The following SLC6A4 variants were observed in gnomAD, a reference collection of about 807,000 sequenced individuals.
SLC6A4 encodes solute carrier family 6 member 4, also known as sodium-dependent serotonin transporter.
Under a neutral mutation model 73.4 loss-of-function variants are expected in SLC6A4, and 22 were observed. The observed-to-expected ratio is 0.30, with a 90% CI of 0.21 to 0.43. The LOEUF (loss-of-function observed/expected upper bound fraction) is 0.43. Ranked by LOEUF, SLC6A4 falls within the 20% of genes least tolerant of loss-of-function variation. The pLI, the probability that SLC6A4 is intolerant of heterozygous loss-of-function variation, is 1.00. For synonymous variants in SLC6A4, 270 were observed against 315.5 expected (o/e 0.86, Z 1.53); for missense variants, 593 against 808.5 (o/e 0.73, Z 3.23).
At chr17:30,227,245 G>T (rs1352662194) in intron 1 of SLC6A4, among the ~76,000 whole-genome samples, 2 of 152,172 alleles carry the variant, frequency 1.3e-5, no homozygotes, top group African/African-American at 4.8e-5. Context: ...CCCGAAGTGT[G>T]CAGGGTCATG....
intron 14 of SLC6A4, among the ~76,000 whole-genome samples, chr17:30,201,452 C>A (rs550548834): frequency 2.6e-5 from 4 of 152,272 alleles, no homozygotes; most frequent in African/African-American, 9.6e-5. Flanking sequence ...TCCCTTGTGG[C>A]CAACTGGGGG....
intron 8 of SLC6A4, among the ~76,000 whole-genome samples, chr17:30,214,634 C>CTTTTTTTTT (rs753290326): frequency 3.8e-5 from 5 of 132,332 alleles, no homozygotes; most frequent in African/African-American, 1.1e-4. Flanking sequence ...TTCTTTCTTT[C>CTTTTTTTTT]TTTTTTTTTT....
rs376243735 is a variant in SLC6A4 at position 30,211,596 on chromosome 17, G to A, written c.1205-172C>T. ...CCTCACACTCTACTCCGTCTGACGT[G>A]GCCACCCCAGTTCCTGGGAGGCAGG... is the stretch of plus-strand genomic sequence containing the variant. On this transcript the variant is annotated intron_variant, in intron 9 of 14. Coordinates refer to ENST00000650711, the MANE Select transcript of SLC6A4 (RefSeq NM_001045.6). This position sits in a 1 kb window ranked among gnomAD's most constrained non-coding sequence, Gnocchi z 4.0. 1.3e-5 allele frequency among the ~76,000 whole-genome samples: 2 copies of A among 152,176 alleles called. No individual in the cohort carries two copies. Among genetic ancestry groups the A allele is most frequent in the East Asian group, 1.9e-4 (1 of 5,188 alleles).
rs1905856228 is a variant in SLC6A4, at chr17:30,196,236, T to C, written c.*2220A>G. 1 of 152,052 alleles carries C rather than the reference T, an allele frequency of 6.6e-6. No homozygotes were observed. The highest frequency in any genetic ancestry group is 1.5e-5 in the Non-Finnish European group (1 of 68,024). The allele number at this position is 152,052 out of a possible 1,614,324, so 9.4% of individuals were successfully genotyped here. ...ATGCTACATATAGATATAAAAGGTC[T>C]TTAAAATATTATTTTAAAATCCACC... is the stretch of plus-strand genomic sequence containing the variant. On this transcript the variant is annotated 3_prime_UTR_variant, in exon 15 of 15. Coordinates refer to ENST00000650711, the MANE Select transcript of SLC6A4 (RefSeq NM_001045.6).
intron 1 of SLC6A4, among the ~76,000 whole-genome samples, chr17:30,229,747 G>A (rs1907029073): frequency 1.3e-5 from 2 of 151,910 alleles, no homozygotes; most frequent in African/African-American, 2.4e-5. Flanking sequence ...TGGGCTGGGC[G>A]CAGTGTCACA....
At chr17:30,231,922 T>C (rs1432344659) in intron 1 of SLC6A4, among the ~76,000 whole-genome samples, 1 of 152,088 alleles carries the variant, frequency 6.6e-6, no homozygotes, top group Non-Finnish European at 1.5e-5. Context: ...AGAGCGAAAG[T>C]AGAAGAGACT....
chr17:30,217,740 C>T (rs1392677030), intron 5 of SLC6A4, among the ~76,000 whole-genome samples: 1 of 152,160 alleles, frequency 6.6e-6, no homozygotes, highest in Non-Finnish European at 1.5e-5. Flanking sequence ...ATCCCACTTA[C>T]GAAGTTGACA....
chr17:30,221,071 G>A (rs1048597667), intron 3 of SLC6A4, among the ~76,000 whole-genome samples: 17 of 148,196 alleles, frequency 1.1e-4, no homozygotes, highest in African/African-American at 4.3e-4. Context: ...CCACCTCCCA[G>A]GTTCAAGTGA....
In SLC6A4 at chr17:30,212,077, T is replaced by C. The variant is rs574098593; in HGVS notation, c.1205-653A>G. ...CCCACTAGATGCCATCATCTGTTTT[T>C]TCTCCCTCTGTTGCTCTTTTCTTTT... On this transcript the variant is annotated intron_variant, in intron 9 of 14. Coordinates refer to ENST00000650711, the MANE Select transcript of SLC6A4 (RefSeq NM_001045.6). Among the ~76,000 whole-genome samples, 63 of 152,314 alleles carry C rather than the reference T, an allele frequency of 4.1e-4. 1 individual carries two copies. Among genetic ancestry groups the C allele is most frequent in the Admixed American group, 1.4e-3 (22 of 15,298 alleles).
chr17:30,200,096 T>A (rs1289883334), intron 14 of SLC6A4, among the ~76,000 whole-genome samples: 1 of 152,194 alleles, frequency 6.6e-6, no homozygotes, highest in Admixed American at 6.5e-5. Context: ...GCTATCACCA[T>A]AGCTCAGAGA....
At chr17:30,216,691 GAGAC>G (rs908964618) in intron 6 of SLC6A4, among the ~76,000 whole-genome samples, 3 of 148,652 alleles carry the variant, frequency 2.0e-5, no homozygotes, top group South Asian at 2.1e-4. Flanking sequence ...TTTTTTTAGT[GAGAC>G]AGAATTTCAC....
intron 11 of SLC6A4, among the ~76,000 whole-genome samples, chr17:30,209,539 C>G (rs1033975914): frequency 6.6e-6 from 1 of 151,178 alleles, no homozygotes; most frequent in African/African-American, 2.4e-5. Flanking sequence ...CCCAGCTACT[C>G]AGGAGGCTGA....
chr17:30,226,631 C>G (rs1013996866), intron 1 of SLC6A4, among the ~76,000 whole-genome samples: 1 of 152,044 alleles, frequency 6.6e-6, no homozygotes, highest in Non-Finnish European at 1.5e-5. Flanking sequence ...ACCCAGGAAG[C>G]GGAGGTTGCA....
In SLC6A4 at chr17:30,206,350, C is replaced by T. The variant is rs1352728157; in HGVS notation, c.1650+1382G>A. On this transcript the variant is annotated intron_variant, in intron 13 of 14. Coordinates refer to ENST00000650711, the MANE Select transcript of SLC6A4 (RefSeq NM_001045.6). ...ATCAGTTTACCCCAGGCTACTTCAG[C>T]ACACACTTGGCAGGCCAGCAGGCTG... The T allele has an allele frequency of 2.0e-5, 3 of 152,084 alleles. No homozygotes were observed. In the East Asian group the frequency reaches 5.8e-4, roughly 29 times the overall value. 9.4% of individuals were successfully genotyped at this position (152,084 alleles called of 1,614,324 possible). A position where few individuals can be genotyped will look rare whatever the true frequency, so the allele number is the denominator to read the frequency against.
At chr17:30,208,094 C>T (rs1283008919) in intron 12 of SLC6A4, among the ~76,000 whole-genome samples, 1 of 152,114 alleles carries the variant, frequency 6.6e-6, no homozygotes, top group Non-Finnish European at 1.5e-5. Flanking sequence ...AAGCAAGACT[C>T]TTTCTACATA....
At chr17:30,208,853 G>A (rs949689388) in intron 12 of SLC6A4, among the ~76,000 whole-genome samples, 9 of 135,322 alleles carry the variant, frequency 6.7e-5, no homozygotes, top group Non-Finnish European at 1.1e-4. Context: ...CATCATGCCC[G>A]GCTAATTTTT....
At position 30,194,386 on chromosome 17, in the gene SLC6A4, T is replaced by C. The variant is rs1333687747; in HGVS notation, c.*4070A>G. On this transcript the variant is annotated 3_prime_UTR_variant, in exon 15 of 15. Transcript: ENST00000650711. The stretch of plus-strand genomic sequence containing the variant: ...GAAATATTTATAAACACTGCATAAA[T>C]GAATACAAGGGCACTGTATGAATTT... The C allele has an allele frequency of 2.0e-5, 3 of 152,132 alleles. No homozygotes were observed. In the East Asian group the frequency reaches 5.8e-4, roughly 29 times the overall value. The allele number at this position is 152,132 out of a possible 1,614,324, so 9.4% of individuals were successfully genotyped here.
chr17:30,221,680 AAT>A lies in SLC6A4; in HGVS notation c.277_278del (p.Ile93TrpfsTer136). The A allele has an allele frequency of 1.2e-6, 2 of 1,614,140 alleles. No individual in the cohort carries two copies. Reference protein sequence around the residue: ...GKKVDFLLSVIGYAVDLGNVW... With the variant: ...GKKVDFLLSVXGYAVDLGNVW... ...CATTGCCCAGGTCCACAGCATAGCC[AAT>A]CACTGAGAGAAGGAAATCCACCTTC... is the stretch of plus-strand genomic sequence containing the variant. On this transcript the variant is annotated frameshift_variant, in exon 3 of 15. Transcript: ENST00000650711. LOFTEE classifies it high-confidence loss of function.
In SLC6A4 at chr17:30,218,174, G is replaced by A. The variant is rs200960492; in HGVS notation, c.642C>T (p.Ser214=). 4.8e-5 allele frequency: 77 copies of A among 1,614,092 alleles called. 1 individual carries two copies. The highest frequency in any genetic ancestry group is 3.1e-4 in the South Asian group (28 of 91,086). ...GGAGGGTCCAGGTGATGTTGTCCTC[G>A]GAGAAGTAATTGGTGCAGTTGCCAG... ...WNTGNCTNYF[S]EDNITWTLHS... is the part of the protein sequence containing the mutation. The change falls in exon 5 of 15, where the codon TCC becomes TCT. Residue 214 remains serine (S), a synonymous_variant. Transcript: ENST00000650711.
Sources: allele counts gnomAD v4.1 joint callset (sites outside exome capture counted in the v4.1 genomes callset), GRCh38; gene constraint gnomAD v4.1.1; non-coding constraint Gnocchi (gnomAD v3.1); transcripts MANE v1.5; gene names NCBI Gene and HGNC (gene_info 2026-07-23, HGNC 2026-07-21).